The following SPIDR variants were observed in gnomAD, a reference collection of about 807,000 sequenced individuals.
SPIDR encodes the protein scaffold protein involved in DNA repair.
In SPIDR, 93 loss-of-function variants were observed where a neutral mutation model predicts 104.6. That is an observed-to-expected ratio of 0.89 (90% confidence interval 0.75 to 1.06). The LOEUF (loss-of-function observed/expected upper bound fraction) is 1.06, where lower values mean the gene tolerates loss of function less well. Ranked by LOEUF, SPIDR falls within the 50% of genes least tolerant of loss-of-function variation. SPIDR has a pLI of 0.00. For synonymous variants in SPIDR, 431 were observed against 416.9 expected, an observed-to-expected ratio of 1.03 and a Z score of -0.41; for missense variants, 1,154 against 1,111.2, an observed-to-expected ratio of 1.04 and a Z score of -0.55.
At chr8:47,570,897 C>T (rs2058436427) in intron 8 of SPIDR, among the ~76,000 whole-genome samples, 1 of 152,056 alleles carries the variant, frequency 6.6e-6, no homozygotes, top group South Asian at 2.1e-4. Context: ...TCGAAACCAG[C>T]CTGGCCAATA....
At chr8:47,694,765 T>A (rs918680109) in intron 11 of SPIDR, among the ~76,000 whole-genome samples, 1 of 151,792 alleles carries the variant, frequency 6.6e-6, no homozygotes, top group Non-Finnish European at 1.5e-5. Context: ...ATATATATAT[T>A]TGGGGTGTGT....
intron 5 of SPIDR, among the ~76,000 whole-genome samples, chr8:47,313,989 A>G (rs2044755943): frequency 6.6e-6 from 1 of 152,254 alleles, no homozygotes; most frequent in Non-Finnish European, 1.5e-5. Flanking sequence ...TCAGAACTTC[A>G]GGAATGAAGA....
intron 5 of SPIDR, among the ~76,000 whole-genome samples, chr8:47,298,853 G>A (rs2041440823): frequency 6.6e-6 from 1 of 152,286 alleles, no homozygotes; most frequent in South Asian, 2.1e-4. Context: ...TTTGGTTACT[G>A]TAGCCTTGTA....
At position 47,592,415 on chromosome 8, in the gene SPIDR, T is replaced by G. The variant is rs946379772; in HGVS notation, c.1098-3396T>G. On this transcript the variant is annotated intron_variant, in intron 8 of 19. Coordinates refer to ENST00000297423, the MANE Select transcript of SPIDR (RefSeq NM_001080394.4). ...ATGAAACATACTGTAGGGGCTGCCA[T>G]TGAGTATTCTTCTGGAAGGAATAGT... The G allele has an allele frequency of 2.8e-6, 4 of 1,429,534 alleles. No homozygotes were observed. The African/African-American group carries it at 5.6e-5, about 20-fold the overall frequency. The allele number at this position is 1,429,534 out of a possible 1,614,324, so 88.6% of individuals were successfully genotyped here.
chr8:47,530,098 C>A (rs572234565), intron 8 of SPIDR, among the ~76,000 whole-genome samples: 1 of 152,196 alleles, frequency 6.6e-6, no homozygotes, highest in African/African-American at 2.4e-5. Context: ...GCCTACTGCT[C>A]CTAGGCTACA....
intron 8 of SPIDR, among the ~76,000 whole-genome samples, chr8:47,520,584 T>C (rs1328441276): frequency 6.6e-6 from 1 of 152,212 alleles, no homozygotes; most frequent in Non-Finnish European, 1.5e-5. Flanking sequence ...GGAAGTGGCA[T>C]GAAAATTCTT....
chr8:47,467,560 T>C (rs2075077472), intron 8 of SPIDR, among the ~76,000 whole-genome samples: 1 of 152,154 alleles, frequency 6.6e-6, no homozygotes, highest in Non-Finnish European at 1.5e-5. Flanking sequence ...GTTCAACATA[T>C]GCAAATCAAT....
rs1554571963 is a variant in SPIDR, at chr8:47,295,197, A to G, written c.525+1167A>G. On this transcript the variant is annotated intron_variant, in intron 5 of 19. Coordinates refer to ENST00000297423, the MANE Select transcript of SPIDR (RefSeq NM_001080394.4). ...TTCTTAACATGACATACTTTCTTCT[A>G]TATTTTGAACATACAGAGTATATTT... Among the ~76,000 whole-genome samples the G allele has an allele frequency of 8.3e-4, 126 of 152,142 alleles. 1 individual carries two copies. Among genetic ancestry groups the G allele is most frequent in the Non-Finnish European group, 1.5e-3 (105 of 67,988 alleles).
intron 7 of SPIDR, among the ~76,000 whole-genome samples, chr8:47,420,197 C>G (rs571603438): frequency 1.2e-4 from 18 of 152,222 alleles, no homozygotes; most frequent in African/African-American, 3.9e-4. Flanking sequence ...GTTGATCTGT[C>G]TAATGTTGAC....
At chr8:47,686,629 C>CT (rs1327363428) in intron 11 of SPIDR, among the ~76,000 whole-genome samples, 1 of 152,082 alleles carries the variant, frequency 6.6e-6, no homozygotes, top group Non-Finnish European at 1.5e-5. Context: ...TGAGCTGGGT[C>CT]TTAAGACAGG....
intron 14 of SPIDR, among the ~76,000 whole-genome samples, chr8:47,702,874 CCAGCTA>C (rs1176687062): frequency 6.6e-6 from 1 of 152,204 alleles, no homozygotes; most frequent in Non-Finnish European, 1.5e-5. Flanking sequence ...CGGTGGATCA[CCAGCTA>C]CCAGCCAGGC....
chr8:47,456,359 T>A (rs924430835), intron 8 of SPIDR, among the ~76,000 whole-genome samples: 1 of 152,196 alleles, frequency 6.6e-6, no homozygotes, highest in Non-Finnish European at 1.5e-5. Flanking sequence ...ATCTTGATCT[T>A]GTACCTCCAG....
chr8:47,632,317 G>A (rs898402984), intron 10 of SPIDR, among the ~76,000 whole-genome samples: 1 of 152,060 alleles, frequency 6.6e-6, no homozygotes, highest in African/African-American at 2.4e-5. Flanking sequence ...CCAGGCCTGG[G>A]CTAGGCTTGG....
chr8:47,387,626 T>C (rs1049283541), intron 5 of SPIDR, among the ~76,000 whole-genome samples: 1 of 152,196 alleles, frequency 6.6e-6, no homozygotes, highest in African/African-American at 2.4e-5. Flanking sequence ...GAGGAACATA[T>C]CAGGAGTTTG....
rs1554668459 is a variant in SPIDR, at chr8:47,407,950, A to G, written c.866A>G (p.Lys289Arg). ...LWRHQCISYQ[K>R]TLSGRKSGVL... ...AGACATCAATGTATTTCTTACCAAA[A>G]GACACTTTCAGGTAAGGCTTGTGCA... The change falls in exon 7 of 20, where the codon AAG (lysine) becomes AGG (arginine). Residue 289 changes from lysine to arginine, a missense_variant. Transcript: ENST00000297423. 1.3e-6 allele frequency: 2 copies of G among 1,579,588 alleles called. No individual in the cohort carries two copies. Among genetic ancestry groups the G allele is most frequent in the South Asian group, 1.2e-5 (1 of 86,416 alleles).
chr8:47,493,331 C>G (rs1489481461), intron 8 of SPIDR, among the ~76,000 whole-genome samples: 1 of 151,958 alleles, frequency 6.6e-6, no homozygotes, highest in African/African-American at 2.4e-5. Context: ...CAATAAGAAA[C>G]CCAGAGTTAA....
intron 5 of SPIDR, among the ~76,000 whole-genome samples, chr8:47,365,976 GCACACACA>G (rs59590542): frequency 1.3e-5 from 2 of 148,704 alleles, no homozygotes; most frequent in South Asian, 2.1e-4. Flanking sequence ...ACATGCACAA[GCACACACA>G]CACACACACA....
chr8:47,300,497 A>G (rs1158210026), intron 5 of SPIDR, among the ~76,000 whole-genome samples: 13 of 152,060 alleles, frequency 8.5e-5, no homozygotes, highest in African/African-American at 3.1e-4. Context: ...TAGCTTTTGA[A>G]TGTGTTTGCT....
rs138334230 is a variant in SPIDR at position 47,398,215 on chromosome 8, G to A, written c.776+1589G>A. Among the ~76,000 whole-genome samples the A allele has an allele frequency of 1.6e-3, 241 of 152,328 alleles. 1 individual carries two copies. Among genetic ancestry groups the A allele is most frequent in the African/African-American group, 5.7e-3 (235 of 41,584 alleles). On this transcript the variant is annotated intron_variant, in intron 6 of 19. Coordinates refer to ENST00000297423, the MANE Select transcript of SPIDR (RefSeq NM_001080394.4). ...CCATTAAAGGAATTAGCATGTTTTT[G>A]TTGGTGAAGGTGATGCCATGCGATT... is the stretch of plus-strand genomic sequence containing the variant.
Sources: gnomAD v4.1 joint callset for allele counts (sites outside exome capture counted in the v4.1 genomes callset) on GRCh38, gnomAD v4.1.1 for gene constraint, MANE v1.5 for transcripts, NCBI Gene and HGNC (gene_info 2026-07-23, HGNC 2026-07-21) for gene names.